The following CLSTN2 variants were observed in gnomAD, a reference collection of about 807,000 sequenced individuals.
The protein encoded by CLSTN2 is calsyntenin 2.
A neutral mutation model predicts 101.2 loss-of-function variants in CLSTN2; 48 were observed. The ratio of observed to expected loss-of-function variants is 0.47; its 90% CI spans 0.38 to 0.60. The LOEUF is 0.60. Among genes scored for constraint, CLSTN2 ranks in the 20% least tolerant of loss-of-function variants. The pLI is 0.00. For synonymous variants in CLSTN2, 481 were observed against 463.6 expected (o/e 1.04, Z -0.48); for missense variants, 1,160 against 1,238.2 (o/e 0.94, Z 0.95).
Position 140,571,384 on chromosome 3 carries a change from A to AATT in CLSTN2, c.*5133_*5135dup, listed in dbSNP as rs570058197. On this transcript the variant is annotated 3_prime_UTR_variant, in exon 17 of 17. Transcript: ENST00000458420. ...TTTTTTTTAATCATCCCCACATTTA[A>AATT]ATTAACCAAATAGTTTTTACAAAAA... The AATT allele has an allele frequency of 2.2e-3, 330 of 152,324 alleles. 2 individuals carry two copies. Among genetic ancestry groups the AATT allele is most frequent in the African/African-American group, 7.5e-3 (311 of 41,562 alleles). The allele number at this position is 152,324 out of a possible 1,614,324, so 9.4% of individuals were successfully genotyped here.
intron 5 of CLSTN2, among the ~76,000 whole-genome samples, chr3:140,429,255 G>T (rs145054050): frequency 7.8e-4 from 119 of 152,212 alleles, no homozygotes; most frequent in Admixed American, 1.4e-3. Context: ...TGTGCTAAAG[G>T]CTGGGGATAC....
intron 2 of CLSTN2, among the ~76,000 whole-genome samples, chr3:140,359,693 C>T (rs1282365301): frequency 6.6e-6 from 1 of 152,144 alleles, no homozygotes; most frequent in African/African-American, 2.4e-5. Flanking sequence ...CAATATTTTA[C>T]CACTGACATT....
At chr3:140,021,969 G>C (rs2007327706) in intron 1 of CLSTN2, among the ~76,000 whole-genome samples, 1 of 152,184 alleles carries the variant, frequency 6.6e-6, no homozygotes, top group Non-Finnish European at 1.5e-5. Context: ...ACAGAACTGG[G>C]ACCTGGGCAC....
At chr3:140,544,358 A>T (rs1217135162) in intron 9 of CLSTN2, among the ~76,000 whole-genome samples, 1 of 152,238 alleles carries the variant, frequency 6.6e-6, no homozygotes, top group East Asian at 1.9e-4. Flanking sequence ...GAGTGACAAG[A>T]GTAAGCCTGC....
intron 2 of CLSTN2, among the ~76,000 whole-genome samples, chr3:140,206,800 C>G (rs2010788669): frequency 6.6e-6 from 1 of 152,138 alleles, no homozygotes; most frequent in South Asian, 2.1e-4. Flanking sequence ...GGGCCTTTTT[C>G]TCTTTTGAGT....
intron 1 of CLSTN2, among the ~76,000 whole-genome samples, chr3:140,032,178 G>A (rs1438294883): frequency 6.6e-6 from 1 of 151,488 alleles, no homozygotes; most frequent in African/African-American, 2.4e-5. Context: ...GGGGAGAAAA[G>A]ACCCATACAT....
intron 2 of CLSTN2, among the ~76,000 whole-genome samples, chr3:140,339,880 G>T (rs573172508): frequency 2.0e-5 from 3 of 152,320 alleles, no homozygotes; most frequent in African/African-American, 7.2e-5. Flanking sequence ...ACTGCCTTAT[G>T]CAGGAAAAAG....
At chr3:140,074,892 T>C (rs976767389) in intron 1 of CLSTN2, among the ~76,000 whole-genome samples, 12 of 152,134 alleles carry the variant, frequency 7.9e-5, no homozygotes, top group Admixed American at 1.3e-4. Context: ...AGGGGCTCAC[T>C]CTCCACCGAA....
intron 9 of CLSTN2, among the ~76,000 whole-genome samples, chr3:140,543,196 G>T (rs752392082): frequency 5.9e-5 from 9 of 152,178 alleles, no homozygotes; most frequent in Admixed American, 2.0e-4. Context: ...GTGAAGAGAT[G>T]ACCAACTGGA....
intron 1 of CLSTN2, among the ~76,000 whole-genome samples, chr3:140,061,608 C>T (rs559361936): frequency 5.3e-5 from 8 of 152,204 alleles, no homozygotes; most frequent in Non-Finnish European, 1.2e-4. Context: ...TCCAAGAATA[C>T]GATAGAAGTT....
At chr3:140,525,150 A>C (rs1935111174) in intron 8 of CLSTN2, among the ~76,000 whole-genome samples, 1 of 152,220 alleles carries the variant, frequency 6.6e-6, no homozygotes, top group Non-Finnish European at 1.5e-5. Flanking sequence ...AAGATCAATA[A>C]AACCAAGAGT....
chr3:139,990,620 A>G (rs1936098568), intron 1 of CLSTN2, among the ~76,000 whole-genome samples: 1 of 152,252 alleles, frequency 6.6e-6, no homozygotes, highest in Non-Finnish European at 1.5e-5. Context: ...AATGCTTAAT[A>G]AAGAGAAGGC....
chr3:139,998,336 C>CTTATTTTTTTTTTTTTTTTTT (rs2006730121), intron 1 of CLSTN2, among the ~76,000 whole-genome samples: 1 of 66,814 alleles, frequency 1.5e-5, no homozygotes, highest in African/African-American at 7.2e-5. Context: ...CCCCACATGC[C>CTTATTTTTTTTTTTTTTTTTT]TTTTTTTTTT....
At chr3:140,033,455 G>T (rs1445109626) in intron 1 of CLSTN2, among the ~76,000 whole-genome samples, 1 of 152,144 alleles carries the variant, frequency 6.6e-6, no homozygotes, top group African/African-American at 2.4e-5. Context: ...CCATTCCAAT[G>T]GTACCTTTAG....
At chr3:140,207,981 A>T (rs2010805494) in intron 2 of CLSTN2, among the ~76,000 whole-genome samples, 1 of 152,140 alleles carries the variant, frequency 6.6e-6, no homozygotes, top group Non-Finnish European at 1.5e-5. Flanking sequence ...CCCTATTAAA[A>T]TGCAAAAATG....
chr3:140,412,822 A>G (rs926078907), intron 4 of CLSTN2, among the ~76,000 whole-genome samples: 1 of 152,226 alleles, frequency 6.6e-6, no homozygotes, highest in African/African-American at 2.4e-5. Flanking sequence ...AATCAAAAGG[A>G]AAATATCTTG....
chr3:140,412,449 A>G (rs1254547085), intron 4 of CLSTN2, among the ~76,000 whole-genome samples: 1 of 152,200 alleles, frequency 6.6e-6, no homozygotes, highest in Non-Finnish European at 1.5e-5. Flanking sequence ...GGACCAGGCA[A>G]GTAGTCTGTA....
In CLSTN2 at chr3:140,566,066, C is replaced by A. The variant is rs144623740; in HGVS notation, c.2681C>A (p.Pro894Gln). 2 of 1,613,786 alleles carry A rather than the reference C, an allele frequency of 1.2e-6. No individual in the cohort carries two copies. Among genetic ancestry groups the A allele is most frequent in the East Asian group, 2.2e-5 (1 of 44,848 alleles). The change falls in exon 17 of 17, where the codon CCA becomes CAA. Residue 894 changes from proline (P) to glutamine (Q), a missense_variant. By Grantham distance (76) the Pro-to-Gln change is moderately conservative. Transcript: ENST00000458420. ...CTTGATATCCAGAAACATGAAGGAC[C>A]AGGGCATGGGGAAGATGAGACTGAG... is the stretch of plus-strand genomic sequence containing the variant. ...TVNPMEKHEG[P>Q]GHGEDETEGE...
At chr3:140,175,754 G>C (rs2010313321) in intron 1 of CLSTN2, among the ~76,000 whole-genome samples, 197 bp from the exon 2 acceptor site, 1 of 152,152 alleles carries the variant, frequency 6.6e-6, no homozygotes, top group Admixed American at 6.6e-5. Flanking sequence ...TGAGTGGCTT[G>C]GGTGAGGTGT....
Sources: gnomAD v4.1 joint callset for allele counts (sites outside exome capture counted in the v4.1 genomes callset) on GRCh38, gnomAD v4.1.1 for gene constraint, MANE v1.5 for transcripts, NCBI Gene and HGNC (gene_info 2026-07-23, HGNC 2026-07-21) for gene names.